Variants in FAT2 observed in about 807,000 individuals in gnomAD.
FAT2 encodes the protein protocadherin Fat 2.
Under a neutral mutation model 295.3 loss-of-function variants are expected in FAT2, and 150 were observed. That is an observed-to-expected ratio of 0.51 (90% confidence interval 0.44 to 0.58). FAT2 has a LOEUF of 0.58. FAT2 is among the 20% of genes least tolerant of loss of function. FAT2 has a pLI of 0.00. For synonymous variants in FAT2, 2,026 were observed against 2,150.3 expected, an observed-to-expected ratio of 0.94 and a Z score of 1.60; for missense variants, 4,868 against 5,442.7, an observed-to-expected ratio of 0.89 and a Z score of 3.32.
rs1756514133 is a variant in FAT2 at position 151,545,313 on chromosome 5, C to T, written c.5814G>A (p.Lys1938=). The T allele has an allele frequency of 1.9e-6, 3 of 1,614,152 alleles. No individual in the cohort carries two copies. The highest frequency in any genetic ancestry group is 4.5e-5 in the East Asian group (2 of 44,884). The part of the protein sequence containing the change: ...LNPAFLGLSR[K]LTIRASDGLY... Reference sequence around the variant, plus strand: ...AGCCATCAGAAGCCCTGATGGTGAGCTTCCGAGAGAGTCCCAGGAAAGCAG... The same window carrying T: ...AGCCATCAGAAGCCCTGATGGTGAGTTTCCGAGAGAGTCCCAGGAAAGCAG... Residue 1938 remains lysine, a synonymous_variant, in exon 10 of 24, where the codon AAG becomes AAA. Coordinates refer to ENST00000261800, the MANE Select transcript of FAT2 (RefSeq NM_001447.3).
Position 151,505,372 on chromosome 5 carries a change from C to T in FAT2, c.*193G>A. ...GGACCCTAGTGCTGTTTCTGGAGCT[C>T]TATCCTCAGCTTCCCTCCACCCTCA... On this transcript the variant is annotated 3_prime_UTR_variant, in exon 24 of 24. Transcript: ENST00000261800. 1.5e-6 allele frequency: 1 copy of T among 663,952 alleles called. No homozygotes were observed. The highest frequency in any genetic ancestry group is 2.0e-5 in the South Asian group (1 of 50,238). 41.1% of individuals were successfully genotyped at this position (663,952 alleles called of 1,614,324 possible).
chr5:151,505,848 G>T lies in FAT2; in HGVS notation c.12767C>A (p.Pro4256His). Residue 4256 changes from proline (P) to histidine (H), a missense_variant, in exon 24 of 24, where the codon CCC becomes CAC. Coordinates refer to ENST00000261800, the MANE Select transcript of FAT2 (RefSeq NM_001447.3). ...QNLEDLMPSR[P>H]PSPRERLVAP... ...AACCAGGCGCTCCCGGGGACTAGGG[G>T]GCCGAGAGGGCATCAGATCTTCCAG... 6.2e-7 allele frequency: 1 copy of T among 1,611,000 alleles called. No homozygotes were observed. Among genetic ancestry groups the T allele is most frequent in the Non-Finnish European group, 8.5e-7 (1 of 1,179,118 alleles).
At chr5:151,534,970 A>AAAATATATATATATATATATATAT in intron 12 of FAT2, among the ~76,000 whole-genome samples, 1 of 106,418 alleles carries the variant, frequency 9.4e-6, no homozygotes, top group East Asian at 3.3e-4. Flanking sequence ...CTTCTAGGAA[A>AAAATATATATATATATATATATAT]ATATATATAT....
At chr5:151,569,656 G>A (rs1758445399) in intron 1 of FAT2, among the ~76,000 whole-genome samples, 1 of 125,398 alleles carries the variant, frequency 8.0e-6, no homozygotes, top group African/African-American at 2.8e-5. Context: ...CTAGAACACA[G>A]TCCTGAACTC....
In FAT2 at chr5:151,542,745, C is replaced by A. The variant is rs1322316333; in HGVS notation, c.8382G>T (p.Arg2794Ser). 6.2e-7 allele frequency: 1 copy of A among 1,614,222 alleles called. No homozygotes were observed. Among genetic ancestry groups the A allele is most frequent in the East Asian group, 2.2e-5 (1 of 44,876 alleles). ...NIQVGDVNDN[R>S]PVFEADPYKA... is the part of the protein sequence containing the mutation. ...TATATGGATCAGCCTCAAATACAGG[C>A]CTATTGTCATTGACGTCTCCCACTT... Residue 2794 changes from arginine (R) to serine (S), a missense_variant, in exon 10 of 24, where the codon AGG becomes AGT. Transcript: ENST00000261800.
chr5:151,530,740 C>CTGA (rs1754501759), intron 14 of FAT2, among the ~76,000 whole-genome samples: 1 of 152,160 alleles, frequency 6.6e-6, no homozygotes, highest in African/African-American at 2.4e-5. Flanking sequence ...GAGATACACA[C>CTGA]TGATGTCCTT....
chr5:151,546,405 C>T (rs936655354), intron 9 of FAT2, 68 bp from the exon 10 acceptor site: 1 of 1,220,734 alleles, frequency 8.2e-7, no homozygotes, highest in East Asian at 2.3e-5. Context: ...CTTTCTAGAT[C>T]AGTAAAGGGT....
intron 1 of FAT2, among the ~76,000 whole-genome samples, chr5:151,577,463 CAG>C (rs755931439): frequency 6.6e-6 from 1 of 152,048 alleles, no homozygotes; most frequent in Non-Finnish European, 1.5e-5. Flanking sequence ...ATTCTAGTAG[CAG>C]AGAGAGACAA....
upstream of FAT2, among the ~76,000 whole-genome samples, chr5:151,592,423 A>G (rs570999745): frequency 1.3e-5 from 2 of 152,142 alleles, no homozygotes; most frequent in East Asian, 3.9e-4. Flanking sequence ...CATTCTGTCC[A>G]ATCCCCTCCC....
chr5:151,517,560 C>A, intron 20 of FAT2, 60 bp downstream of exon 20: 1 of 1,601,878 alleles, frequency 6.2e-7, no homozygotes, highest in Non-Finnish European at 8.5e-7. Context: ...TCATGCCTCA[C>A]CCCCTACCTC....
chr5:151,538,607 T>C (rs1344279164), intron 11 of FAT2, among the ~76,000 whole-genome samples: 1 of 152,218 alleles, frequency 6.6e-6, no homozygotes, highest in Non-Finnish European at 1.5e-5. Context: ...GCAAGCATCA[T>C]GGTTTCCACC....
chr5:151,544,381 G>A lies in FAT2; in HGVS notation c.6746C>T (p.Ala2249Val). ...HVFTVRATDT[A>V]LGSFSEATVE... is the part of the protein sequence containing the mutation. ...TGTGGCTTCAGAAAATGACCCCAGA[G>A]CTGTATCCGTGGCTCTGACTGTGAA... The change falls in exon 10 of 24, where the codon GCT becomes GTT. Residue 2249 changes from alanine to valine, a missense_variant. Coordinates refer to ENST00000261800, the MANE Select transcript of FAT2 (RefSeq NM_001447.3). 1.2e-6 allele frequency: 2 copies of A among 1,614,186 alleles called. No individual in the cohort carries two copies. Among genetic ancestry groups the A allele is most frequent in the Non-Finnish European group, 1.7e-6 (2 of 1,180,044 alleles).
chr5:151,571,291 G>C (rs932452489), intron 1 of FAT2, among the ~76,000 whole-genome samples: 2 of 152,052 alleles, frequency 1.3e-5, no homozygotes, highest in South Asian at 4.1e-4. Flanking sequence ...GGATGGCATT[G>C]CTTTTGAAGT....
rs758284104 is a variant in FAT2, at chr5:151,540,594, G to A, written c.9012C>T (p.Val3004=). Residue 3004 remains valine (V), a synonymous_variant, in exon 11 of 24, where the codon GTC becomes GTT. Coordinates refer to ENST00000261800, the MANE Select transcript of FAT2 (RefSeq NM_001447.3). The stretch of plus-strand genomic sequence containing the variant: ...GTGAACACTGTGGGCTGTTATCATT[G>A]ACGTCCAGGACAAAGATCTCCACAG... ...SVTVEIFVLD[V]NDNSPQCSQL... is the part of the protein sequence containing the mutation. 7.3e-5 allele frequency: 117 copies of A among 1,613,254 alleles called. No individual in the cohort carries two copies. The highest frequency in any genetic ancestry group is 9.6e-5 in the Non-Finnish European group (113 of 1,179,730).
At chr5:151,580,874 CCTGTCTCTAT>C (rs1335153952) in intron 1 of FAT2, among the ~76,000 whole-genome samples, 1 of 152,188 alleles carries the variant, frequency 6.6e-6, no homozygotes, top group Non-Finnish European at 1.5e-5. Flanking sequence ...GGGCCCCTTC[CCTGTCTCTAT>C]CCAAGACACA....
intron 9 of FAT2, 65 bp from the exon 10 acceptor site, chr5:151,546,402 G>A: frequency 8.0e-7 from 1 of 1,252,488 alleles, no homozygotes; most frequent in South Asian, 1.4e-5. Flanking sequence ...AGGCTTTCTA[G>A]ATCAGTAAAG....
At chr5:151,551,709 T>G in intron 6 of FAT2, 103 bp from the exon 7 acceptor site, 93 of 1,226,190 alleles carry the variant, frequency 7.6e-5, no homozygotes, top group Non-Finnish European at 1.0e-4. Context: ...GGTGGTAAAT[T>G]CCACAGTACA....
In FAT2 at chr5:151,543,378, T is replaced by C; in HGVS notation, c.7749A>G (p.Pro2583=). ...CTGTGTACTCAGATGCTTTGAACTG[T>C]GGGGGGTTGTCATTTTCATCTGTGA... ...IILTDENDNP[P]QFKASEYTVS... Residue 2583 remains proline, a synonymous_variant, in exon 10 of 24, where the codon CCA becomes CCG. Coordinates refer to ENST00000261800, the MANE Select transcript of FAT2 (RefSeq NM_001447.3). 1.2e-6 allele frequency: 2 copies of C among 1,614,062 alleles called. No individual in the cohort carries two copies. The highest frequency in any genetic ancestry group is 1.7e-6 in the Non-Finnish European group (2 of 1,179,998).
intron 1 of FAT2, among the ~76,000 whole-genome samples, chr5:151,581,210 G>A (rs763113507): frequency 1.3e-5 from 2 of 152,166 alleles, no homozygotes; most frequent in African/African-American, 2.4e-5. Flanking sequence ...AGACATAAAC[G>A]AGGAAACATA....
Sources: gnomAD v4.1 joint callset for allele counts (sites outside exome capture counted in the v4.1 genomes callset) on GRCh38, gnomAD v4.1.1 for gene constraint, MANE v1.5 for transcripts, NCBI Gene and HGNC (gene_info 2026-07-23, HGNC 2026-07-21) for gene names.